The following OBSL1 variants were observed in gnomAD, a reference collection of about 807,000 sequenced individuals.
OBSL1 encodes obscurin like cytoskeletal adaptor 1.
OBSL1 carries 160 observed loss-of-function variants against 172.0 expected under a neutral mutation model. The observed-to-expected ratio is 0.93, with a 90% CI of 0.82 to 1.06. OBSL1 has a LOEUF of 1.06. Among genes scored for constraint, OBSL1 ranks in the 50% least tolerant of loss-of-function variants. The pLI, the probability that OBSL1 is intolerant of heterozygous loss-of-function variation, is 0.00. For synonymous variants in OBSL1, 1,200 were observed against 1,196.3 expected (o/e 1.00, Z -0.06); for missense variants, 2,681 against 2,715.4 (o/e 0.99, Z 0.28).
In OBSL1 at chr2:219,559,233, G is replaced by A; in HGVS notation, c.3218C>T (p.Thr1073Ile). The A allele has an allele frequency of 6.2e-7, 1 of 1,603,570 alleles. No individual in the cohort carries two copies. Among genetic ancestry groups the A allele is most frequent in the Non-Finnish European group, 8.5e-7 (1 of 1,172,486 alleles). The change falls in exon 9 of 21, where the codon ACT (threonine) becomes ATT (isoleucine). Residue 1073 changes from threonine (T) to isoleucine (I), a missense_variant. Transcript: ENST00000404537. ...AGDDSAFFTV[T>I]VTAPPERIVH... ...CTGCAGAGACTGCCCACCTGTGACAGTGACAGTGAAGAAGGCCGAGTCATC... is the reference window on the plus strand; with the variant it reads ...CTGCAGAGACTGCCCACCTGTGACAATGACAGTGAAGAAGGCCGAGTCATC...
rs2106112941 is a variant in OBSL1 at position 219,570,255 on chromosome 2, G to C, written c.978C>G (p.Gly326=). The C allele has an allele frequency of 6.3e-7, 1 of 1,588,370 alleles. No homozygotes were observed. The highest frequency in any genetic ancestry group is 1.3e-5 in the African/African-American group (1 of 74,548). ...GCAGCTGCACGGCACTGAGCGTCTG[G>C]CCCGCCGAGTTGCGCGCGGCGCAGA... ...LYVCAARNSA[G]QTLSAVQLHV... Residue 326 remains glycine (G), a synonymous_variant, in exon 1 of 21, where the codon GGC becomes GGG. Coordinates refer to ENST00000404537, the MANE Select transcript of OBSL1 (RefSeq NM_015311.3).
chr2:219,548,013 C>T (rs757421238), downstream of OBSL1: 13 of 1,589,672 alleles, frequency 8.2e-6, no homozygotes, highest in East Asian at 2.9e-4. Flanking sequence ...GCACTCTGGC[C>T]CCTGCTCAGC....
chr2:219,567,599 T>G (rs965387986), intron 3 of OBSL1, 24 bp from the exon 4 acceptor site: 12 of 1,599,588 alleles, frequency 7.5e-6, no homozygotes, highest in Non-Finnish European at 1.0e-5. Flanking sequence ...AGGGATGTGT[T>G]CCGGCCTTGC....
Position 219,553,008 on chromosome 2 carries a change from G to GT in OBSL1, c.5005dup (p.Thr1669AsnfsTer3). ...CTGGAGCCGGAGCCGCGGGCTAGGC[G>GT]TAAGCGCGTTCCCGTCCTAGGGGCG... On this transcript the variant is annotated frameshift_variant, in exon 17 of 21. Coordinates refer to ENST00000404537, the MANE Select transcript of OBSL1 (RefSeq NM_015311.3). LOFTEE classifies it high-confidence loss of function. The GT allele has an allele frequency of 2.6e-6, 4 of 1,518,006 alleles. No homozygotes were observed. The highest frequency in any genetic ancestry group is 3.5e-6 in the Non-Finnish European group (4 of 1,138,768). 94.0% of individuals were successfully genotyped at this position (1,518,006 alleles called of 1,614,324 possible). A position where few individuals can be genotyped will look rare whatever the true frequency, so the allele number is the denominator to read the frequency against.
At position 219,550,824 on chromosome 2, in the gene OBSL1, GT is replaced by G. The variant is rs1423387160; in HGVS notation, c.*10del. On this transcript the variant is annotated 3_prime_UTR_variant, in exon 21 of 21. Coordinates refer to ENST00000404537, the MANE Select transcript of OBSL1 (RefSeq NM_015311.3). ...TGTCCAAGGGCACCCGCCTGGCCTG[GT>G]TAGGTTCTCCTAGTTGCCTGCAGAG... 9 of 1,611,576 alleles carry G rather than the reference GT, an allele frequency of 5.6e-6. No individual in the cohort carries two copies. The Admixed American group carries it at 6.7e-5, about 12-fold the overall frequency.
chr2:219,552,350 C>A, intron 18 of OBSL1, 134 bp from the exon 19 acceptor site: 2 of 930,548 alleles, frequency 2.1e-6, no homozygotes, highest in Non-Finnish European at 3.2e-6. Context: ...AACAGGGATG[C>A]GGAGCGGGAA....
chr2:219,552,202 G>A lies in OBSL1; in HGVS notation c.5323C>T (p.Leu1775=). The A allele has an allele frequency of 1.2e-6, 2 of 1,606,448 alleles. No homozygotes were observed. The highest frequency in any genetic ancestry group is 8.5e-7 in the Non-Finnish European group (1 of 1,177,060). ...RIRQEGKKHI[L]VLSELRAEDA... is the part of the protein sequence containing the mutation. Reference sequence around the variant, plus strand: ...TCGGCGCGCAGCTCGCTAAGCACCAGAATGTGTTTCTTCCCTGGGGGTGAG... The same window carrying A: ...TCGGCGCGCAGCTCGCTAAGCACCAAAATGTGTTTCTTCCCTGGGGGTGAG... The change falls in exon 19 of 21, where the codon CTG becomes TTG. Residue 1775 remains leucine, a synonymous_variant. Transcript: ENST00000404537.
At chr2:219,556,384 A>G in intron 13 of OBSL1, 70 bp downstream of exon 13, 2 of 1,592,574 alleles carry the variant, frequency 1.3e-6, no homozygotes, top group Non-Finnish European at 1.7e-6. Context: ...TGGAGAGGCA[A>G]GGCTGCTGGA....
At chr2:219,550,939 G>A (rs1422003586) in intron 20 of OBSL1, 97 bp from the exon 21 acceptor site, 2 of 1,555,740 alleles carry the variant, frequency 1.3e-6, no homozygotes, top group South Asian at 2.4e-5. Context: ...AAAGAGCTGG[G>A]CCCCCAGGTT....
At position 219,567,378 on chromosome 2, in the gene OBSL1, G is replaced by C; in HGVS notation, c.1732C>G (p.Pro578Ala). ...CCCTCGGAGGGCACACAGTCGCCCG[G>C]CACCTCCACGGCTCCGGCTTTCTCG... ...SIEKAGAVEVPGDCVPSEGDY... is the reference protein window; with the variant it reads ...SIEKAGAVEVAGDCVPSEGDY... Residue 578 changes from proline (P) to alanine (A), a missense_variant, in exon 4 of 21, where the codon CCG becomes GCG. Physicochemically the swap from Pro to Ala is conservative, Grantham distance 27. This residue lies in a region of OBSL1 where 706 missense variants were observed against 695.8 expected (regional missense o/e 1.01). Coordinates refer to ENST00000404537, the MANE Select transcript of OBSL1 (RefSeq NM_015311.3). 1 of 1,612,928 alleles carries C rather than the reference G, an allele frequency of 6.2e-7. No homozygotes were observed. The highest frequency in any genetic ancestry group is 8.5e-7 in the Non-Finnish European group (1 of 1,179,410).
At chr2:219,555,353 C>T (rs141207587) in intron 14 of OBSL1, 9 of 154,310 alleles carry the variant, frequency 5.8e-5, no homozygotes, top group South Asian at 2.0e-4. Context: ...GCTGGAATGC[C>T]GTGACATGAT....
downstream of OBSL1, chr2:219,550,648 C>T (rs1182402087): frequency 2.8e-6 from 2 of 704,920 alleles, no homozygotes; most frequent in East Asian, 5.5e-5. Flanking sequence ...GCACTACAGC[C>T]CTCGGTCCCC....
At chr2:219,551,041 G>C in intron 20 of OBSL1, 199 bp from the exon 21 acceptor site, 1 of 1,436,756 alleles carries the variant, frequency 7.0e-7, no homozygotes, top group South Asian at 1.5e-5. Flanking sequence ...GGCACCTGAA[G>C]GGAATGCTGG....
chr2:219,551,212 G>C (rs912332189), intron 20 of OBSL1: 5 of 1,387,944 alleles, frequency 3.6e-6, no homozygotes, highest in African/African-American at 2.9e-5. Flanking sequence ...GTGAAGTGGG[G>C]AGGAAAGGAA....
chr2:219,566,958 C>T lies in OBSL1; in HGVS notation c.2006G>A (p.Arg669Gln), dbSNP rs748783469. Residue 669 changes from arginine (R) to glutamine (Q), a missense_variant, in exon 5 of 21, where the codon CGG (arginine) becomes CAG (glutamine). This residue lies in a region of OBSL1 where 1,765 missense variants were observed against 1,748.3 expected (regional missense o/e 1.01). Transcript: ENST00000404537. The part of the protein sequence containing the change: ...PEGQVEPGAL[R>Q]YRIEQKGLQH... ...CAGACCCTTCTGCTCTATACGGTAC[C>T]GCAGGGCCCCAGGTTCCACCTGGCC... 57 of 1,613,656 alleles carry T rather than the reference C, an allele frequency of 3.5e-5. No homozygotes were observed. Among genetic ancestry groups the T allele is most frequent in the South Asian group, 7.7e-5 (7 of 91,086 alleles).
downstream of OBSL1, among the ~76,000 whole-genome samples, chr2:219,548,778 C>T (rs1016059593): frequency 2.6e-5 from 4 of 152,160 alleles, no homozygotes; most frequent in Non-Finnish European, 4.4e-5. Flanking sequence ...TTTTGGGATG[C>T]TCATTCTGCT....
At chr2:219,552,499 C>G in intron 18 of OBSL1, 37 bp downstream of exon 18, 1 of 1,566,608 alleles carries the variant, frequency 6.4e-7, no homozygotes, top group South Asian at 1.2e-5. Context: ...CTGGGCGGGG[C>G]AGCGAGGGGC....
chr2:219,555,998 T>TA (rs766578051), intron 14 of OBSL1, 22 bp downstream of exon 14: 1 of 1,611,748 alleles, frequency 6.2e-7, no homozygotes. Flanking sequence ...GGTAATGCAT[T>TA]AAGAGAGGAC....
downstream of OBSL1, chr2:219,547,898 G>A: frequency 1.1e-5 from 17 of 1,596,504 alleles, no homozygotes; most frequent in Middle Eastern, 1.7e-4. Flanking sequence ...GATCGCCACT[G>A]CCGCTGACTA....
Sources: allele counts gnomAD v4.1 joint callset (sites outside exome capture counted in the v4.1 genomes callset), GRCh38; gene constraint gnomAD v4.1.1; regional missense constraint gnomAD v4.1.1; transcripts MANE v1.5; gene names NCBI Gene and HGNC (gene_info 2026-07-23, HGNC 2026-07-21).